Variants in THSD7B observed in about 807,000 individuals in gnomAD.
The protein encoded by THSD7B is thrombospondin type 1 domain containing 7B, also known as thrombospondin type-1 domain-containing protein 7B.
THSD7B carries 138 observed loss-of-function variants against 213.6 expected under a neutral mutation model. The ratio of observed to expected loss-of-function variants is 0.65; its 90% CI spans 0.56 to 0.74. The LOEUF is 0.74. Ranked by LOEUF, THSD7B falls within the 30% of genes least tolerant of loss-of-function variation. The pLI, the probability that THSD7B is intolerant of heterozygous loss-of-function variation, is 0.00. For synonymous variants in THSD7B, 742 were observed against 687.0 expected, an observed-to-expected ratio of 1.08 and a Z score of -1.25; for missense variants, 1,931 against 1,991.5, an observed-to-expected ratio of 0.97 and a Z score of 0.58.
intron 14 of THSD7B, among the ~76,000 whole-genome samples, chr2:137,421,213 T>A (rs528012667): frequency 6.6e-6 from 1 of 152,290 alleles, no homozygotes; most frequent in Admixed American, 6.5e-5. Flanking sequence ...ATGGGAGTTT[T>A]TCCCCCACAC....
chr2:137,550,244 T>C (rs10177189), intron 15 of THSD7B, among the ~76,000 whole-genome samples: 88,524 of 151,616 alleles, frequency 0.58, 27,045 homozygotes, highest in African/African-American at 0.77. Context: ...AAAAATACAG[T>C]GGGAGTCTGA....
At chr2:137,481,858 T>C (rs1688315148) in intron 15 of THSD7B, among the ~76,000 whole-genome samples, 1 of 152,160 alleles carries the variant, frequency 6.6e-6, no homozygotes, top group African/African-American at 2.4e-5. Context: ...CATTATCCCC[T>C]TGGACTATTG....
chr2:137,035,724 C>T (rs183996949), intron 2 of THSD7B, among the ~76,000 whole-genome samples: 24 of 152,120 alleles, frequency 1.6e-4, no homozygotes, highest in Non-Finnish European at 3.1e-4. Flanking sequence ...TAAAAAGTAT[C>T]GCAGGCAATA....
chr2:137,459,785 A>G (rs1284537864), intron 15 of THSD7B, among the ~76,000 whole-genome samples: 7 of 152,170 alleles, frequency 4.6e-5, no homozygotes, highest in Non-Finnish European at 8.8e-5. Context: ...TGGAAAAATC[A>G]CTGGGATTGG....
intron 26 of THSD7B, among the ~76,000 whole-genome samples, chr2:137,664,065 C>T (rs753367881): frequency 1.2e-4 from 19 of 152,126 alleles, no homozygotes; most frequent in Non-Finnish European, 2.5e-4. Flanking sequence ...GTTGGCCAGG[C>T]TGGTCTTGAA....
At chr2:136,768,287 G>A (rs919580633) in intron 1 of THSD7B, among the ~76,000 whole-genome samples, 1 of 152,140 alleles carries the variant, frequency 6.6e-6, no homozygotes, top group Non-Finnish European at 1.5e-5. Flanking sequence ...TAAAAAGATA[G>A]GCTCTAAGTT....
At chr2:137,555,288 C>A (rs1680935135) in intron 15 of THSD7B, among the ~76,000 whole-genome samples, 1 of 152,176 alleles carries the variant, frequency 6.6e-6, no homozygotes, top group African/African-American at 2.4e-5. Context: ...CTGGGAGGCA[C>A]CCCCTAGTAG....
At chr2:136,769,601 G>A (rs139039296) in intron 1 of THSD7B, among the ~76,000 whole-genome samples, 1 of 152,266 alleles carries the variant, frequency 6.6e-6, no homozygotes, top group Non-Finnish European at 1.5e-5. Flanking sequence ...CTTTAAGTGT[G>A]TATATACTGT....
At chr2:136,996,251 T>C (rs964802266) in intron 2 of THSD7B, among the ~76,000 whole-genome samples, 1 of 152,186 alleles carries the variant, frequency 6.6e-6, no homozygotes, top group African/African-American at 2.4e-5. Context: ...GGAAAAGACA[T>C]GGAAACCTAT....
At chr2:137,510,917 A>G (rs1679948297) in intron 15 of THSD7B, among the ~76,000 whole-genome samples, 1 of 152,038 alleles carries the variant, frequency 6.6e-6, no homozygotes, top group African/African-American at 2.4e-5. Context: ...CATGATTTGG[A>G]AGGGAGGTAT....
chr2:137,516,695 A>G (rs1370453773), intron 15 of THSD7B, among the ~76,000 whole-genome samples: 1 of 138,964 alleles, frequency 7.2e-6, no homozygotes, highest in Non-Finnish European at 1.5e-5. Context: ...TCCCAGTGCC[A>G]GAATGCATAA....
chr2:137,258,144 G>A (rs990354883), intron 10 of THSD7B, among the ~76,000 whole-genome samples: 7 of 152,128 alleles, frequency 4.6e-5, no homozygotes, highest in African/African-American at 1.4e-4. Context: ...AATGAAGCTT[G>A]TCATTTGGGG....
intron 1 of THSD7B, among the ~76,000 whole-genome samples, chr2:136,825,088 T>C (rs1682623762): frequency 6.6e-6 from 1 of 152,216 alleles, no homozygotes; most frequent in Admixed American, 6.5e-5. Flanking sequence ...GATTTCTTTT[T>C]ACTATTTTCC....
chr2:137,361,930 A>G (rs978233347), intron 12 of THSD7B, among the ~76,000 whole-genome samples: 20 of 152,118 alleles, frequency 1.3e-4, no homozygotes, highest in African/African-American at 3.9e-4. Flanking sequence ...ACACATAATT[A>G]TCAGATTCAC....
chr2:137,095,099 G>T lies in THSD7B; in HGVS notation c.1177G>T (p.Glu393Ter). The T allele has an allele frequency of 1.2e-6, 2 of 1,613,856 alleles. No homozygotes were observed. Among genetic ancestry groups the T allele is most frequent in the Non-Finnish European group, 1.7e-6 (2 of 1,179,830 alleles). ...GAAAGAGGCCTGCATTGTTGAAGGA[G>T]AACTTCTGCAGCAATGTCCCAGGTA... ...LEKEACIVEG[E>*]LLQQCPRYSW... The change falls in exon 4 of 28, where the codon GAA becomes TAA. Residue 393 changes from glutamate (E) to a stop codon, truncating the protein, a stop_gained. Transcript: ENST00000409968. LOFTEE classifies it high-confidence loss of function.
At chr2:137,364,641 CT>C (rs1457955264) in intron 12 of THSD7B, among the ~76,000 whole-genome samples, 5 of 152,046 alleles carry the variant, frequency 3.3e-5, no homozygotes, top group African/African-American at 1.2e-4. Context: ...CCATTCACAA[CT>C]GCTAGAAAGA....
intron 5 of THSD7B, among the ~76,000 whole-genome samples, chr2:137,158,780 A>G (rs1679956295): frequency 6.6e-6 from 1 of 152,168 alleles, no homozygotes; most frequent in African/African-American, 2.4e-5. Context: ...TAAGGCAGAA[A>G]GTAGATGGTA....
At position 137,667,894 on chromosome 2, in the gene THSD7B, G is replaced by A. The variant is rs377100962; in HGVS notation, c.4739+33G>A. 4.7e-5 allele frequency: 70 copies of A among 1,486,954 alleles called. No individual in the cohort carries two copies. The African/African-American group carries it at 6.3e-4, about 13-fold the overall frequency. 92.1% of individuals were successfully genotyped at this position (1,486,954 alleles called of 1,614,324 possible). On this transcript the variant is annotated intron_variant, in intron 27 of 27. Coordinates refer to ENST00000409968, the MANE Select transcript of THSD7B (RefSeq NM_001316349.2). ...CTAATTAGTAAAAAGTTTATGTTCC[G>A]TATTTTTATGGATTTCATGTTATAC...
intron 10 of THSD7B, among the ~76,000 whole-genome samples, chr2:137,254,129 CTG>C (rs1354302645): frequency 9.9e-5 from 15 of 152,146 alleles, no homozygotes; most frequent in African/African-American, 3.4e-4. Flanking sequence ...CCTGGATAGT[CTG>C]TGAATCTCTT....
Sources: gnomAD v4.1 joint callset for allele counts (sites outside exome capture counted in the v4.1 genomes callset) on GRCh38, gnomAD v4.1.1 for gene constraint, MANE v1.5 for transcripts, NCBI Gene and HGNC (gene_info 2026-07-23, HGNC 2026-07-21) for gene names.